The following PCNX2 variants were observed in gnomAD, a reference collection of about 807,000 sequenced individuals.
The protein encoded by PCNX2 is pecanex-like protein 2.
Under a neutral mutation model 223.8 loss-of-function variants are expected in PCNX2, and 168 were observed. That is an observed-to-expected ratio of 0.75 (90% CI 0.66 to 0.85). The LOEUF (loss-of-function observed/expected upper bound fraction) is 0.85. Among genes scored for constraint, PCNX2 ranks in the 40% least tolerant of loss-of-function variants. The probability of loss-of-function intolerance (pLI) is 0.00; values close to 1 mark genes in which losing one functional copy is unlikely to be tolerated. For missense variants in PCNX2, 2,507 were observed against 2,675.5 expected (o/e 0.94, Z 1.39); for synonymous variants, 1,006 against 1,052.6 (o/e 0.96, Z 0.86).
chr1:233,326,225 A>G, the PCNX2 span, among the ~76,000 whole-genome samples: 2 of 152,250 alleles, frequency 1.3e-5, no homozygotes, highest in Non-Finnish European at 2.9e-5. Flanking sequence ...CAAAAAATTC[A>G]TGTCACTTGC....
chr1:232,998,398 T>C lies in PCNX2; in HGVS notation c.5644A>G (p.Asn1882Asp), dbSNP rs1482025243. The change falls in exon 32 of 34, where the codon AAC becomes GAC. Residue 1882 changes from asparagine (N) to aspartate (D), a missense_variant. Physicochemically the swap from Asn to Asp is conservative, Grantham distance 23 (BLOSUM62 1). Transcript: ENST00000258229. ...DCNARQHSGGNIEDVDGGGAP... is the reference protein window; with the variant it reads ...DCNARQHSGGDIEDVDGGGAP... ...CCTCCTCCGTCCACGTCTTCAATGT[T>C]GCCGCCACTGTGCTGGCGGGCATTG... 7 of 1,612,876 alleles carry C rather than the reference T, an allele frequency of 4.3e-6. No homozygotes were observed. The highest frequency in any genetic ancestry group is 5.9e-6 in the Non-Finnish European group (7 of 1,179,656).
At position 233,254,005 on chromosome 1, in the gene PCNX2, G is replaced by C. The variant is rs117230766; in HGVS notation, c.1835-1217C>G. ...TGCCTGAGAGAACAGAATTGAGCCTGAACCTACAAGTTCTTTCAAGACACA... is the reference window on the plus strand; with the variant it reads ...TGCCTGAGAGAACAGAATTGAGCCTCAACCTACAAGTTCTTTCAAGACACA... On this transcript the variant is annotated intron_variant, in intron 5 of 33. Transcript: ENST00000258229. Among the ~76,000 whole-genome samples, 130 of 152,290 alleles carry C rather than the reference G, an allele frequency of 8.5e-4. 5 individuals are homozygous for C. The East Asian group carries it at 0.02, about 23-fold the overall frequency.
At chr1:233,270,837 T>A (rs1387357295) in intron 1 of PCNX2, among the ~76,000 whole-genome samples, 1 of 152,060 alleles carries the variant, frequency 6.6e-6, no homozygotes, top group Non-Finnish European at 1.5e-5. Context: ...CTACAGGGAA[T>A]GGTAAGATGA....
chr1:233,109,291 A>G (rs1264943551), intron 21 of PCNX2, among the ~76,000 whole-genome samples: 6 of 152,202 alleles, frequency 3.9e-5, no homozygotes, highest in African/African-American at 1.4e-4. Context: ...GGCACACAAA[A>G]GGGCAAGAAA....
rs935063222 is a variant in PCNX2, at chr1:232,990,937, C to T, written c.5792-4397G>A. Among the ~76,000 whole-genome samples the T allele has an allele frequency of 6.6e-6, 1 of 152,210 alleles. No homozygotes were observed. Among genetic ancestry groups the T allele is most frequent in the East Asian group, 1.9e-4 (1 of 5,186 alleles). ...GGAGGCTCCAGTGCATGCAGGCAGC[C>T]CCTCACCTGGCAGGATGTGGGGAGA... On this transcript the variant is annotated intron_variant, in intron 32 of 33. Transcript: ENST00000258229. The surrounding 1 kb of genome is among the most constrained non-coding windows in gnomAD (Gnocchi z 4.3).
chr1:233,113,079 G>T, intron 21 of PCNX2: 1 of 1,170,210 alleles, frequency 8.5e-7, no homozygotes. Flanking sequence ...TAAGAATGCA[G>T]CCACAGGCTG....
rs117728852 is a variant in PCNX2, at chr1:233,006,187, A to G, written c.4953-4506T>C. 7.1e-4 allele frequency among the ~76,000 whole-genome samples: 108 copies of G among 152,288 alleles called. No individual in the cohort carries two copies. In the East Asian group the frequency reaches 0.02, roughly 28 times the overall value. On this transcript the variant is annotated intron_variant, in intron 28 of 33. Coordinates refer to ENST00000258229, the MANE Select transcript of PCNX2 (RefSeq NM_014801.4). The stretch of plus-strand genomic sequence containing the variant: ...CATAAATAAAAACAGCATTAGAAAA[A>G]TGTCACGCTTTCAGATGACGATGAG...
the PCNX2 span, among the ~76,000 whole-genome samples, chr1:233,313,598 GAAGA>G: frequency 6.6e-6 from 1 of 151,836 alleles, no homozygotes; most frequent in South Asian, 2.1e-4. Context: ...GGGAGGGAAT[GAAGA>G]AAGAAAGAGG....
chr1:233,096,959 G>A (rs1171169254), intron 21 of PCNX2, among the ~76,000 whole-genome samples: 1 of 152,124 alleles, frequency 6.6e-6, no homozygotes, highest in African/African-American at 2.4e-5. Flanking sequence ...GGCAAAAGGA[G>A]GTTAATTAGA....
chr1:233,071,673 C>A (rs1355998429), intron 23 of PCNX2, among the ~76,000 whole-genome samples: 2 of 152,128 alleles, frequency 1.3e-5, no homozygotes, highest in African/African-American at 4.8e-5. Flanking sequence ...AGTAATGGAA[C>A]TGCTGTGTCC....
chr1:233,274,304 G>C (rs1660801866), intron 1 of PCNX2, among the ~76,000 whole-genome samples: 1 of 152,110 alleles, frequency 6.6e-6, no homozygotes, highest in Non-Finnish European at 1.5e-5. Context: ...GGGCTACGTA[G>C]GTGCTATGCA....
At chr1:233,173,381 G>C (rs1460936677) in intron 17 of PCNX2, among the ~76,000 whole-genome samples, 1 of 152,084 alleles carries the variant, frequency 6.6e-6, no homozygotes, top group Non-Finnish European at 1.5e-5. Context: ...GGCCAGGCTG[G>C]TTTCGAACTC....
chr1:233,232,646 A>G (rs1300687540), intron 9 of PCNX2, among the ~76,000 whole-genome samples: 1 of 152,154 alleles, frequency 6.6e-6, no homozygotes, highest in African/African-American at 2.4e-5. Context: ...CCTCTTTTTC[A>G]TCTCCATAAT....
intron 23 of PCNX2, among the ~76,000 whole-genome samples, chr1:233,060,789 G>A (rs963491341): frequency 6.6e-6 from 1 of 152,174 alleles, no homozygotes; most frequent in African/African-American, 2.4e-5. Context: ...GCACTTGCCT[G>A]ACAAAGTCAC....
chr1:233,034,816 T>C (rs1007073822), intron 25 of PCNX2, among the ~76,000 whole-genome samples: 3 of 152,138 alleles, frequency 2.0e-5, no homozygotes, highest in Non-Finnish European at 4.4e-5. Context: ...ACAGGATCCA[T>C]GAAGAGTGTG....
chr1:233,293,140 C>T (rs1572216911), intron 1 of PCNX2, among the ~76,000 whole-genome samples: 1 of 152,110 alleles, frequency 6.6e-6, no homozygotes, highest in South Asian at 2.1e-4. Context: ...CATACGTAGA[C>T]ATCAAATCTT....
chr1:233,168,782 C>T lies in PCNX2; in HGVS notation c.3274-7419G>A, dbSNP rs544852888. Among the ~76,000 whole-genome samples the T allele has an allele frequency of 2.6e-5, 4 of 152,038 alleles. No homozygotes were observed. The East Asian group carries it at 7.7e-4, about 29-fold the overall frequency. ...ATTTCACAATCCTTGATAAATTATG[C>T]TTTTCCAGATGATTATAATAATTTA... On this transcript the variant is annotated intron_variant, in intron 17 of 33. Transcript: ENST00000258229.
intron 12 of PCNX2, among the ~76,000 whole-genome samples, chr1:233,211,234 C>G (rs568390517): frequency 1.3e-5 from 2 of 152,260 alleles, no homozygotes; most frequent in African/African-American, 4.8e-5. Flanking sequence ...TCTCTCAGCT[C>G]TGCTGCATGT....
the PCNX2 span, among the ~76,000 whole-genome samples, chr1:233,314,765 C>T: frequency 6.6e-6 from 1 of 151,880 alleles, no homozygotes; most frequent in South Asian, 2.1e-4. Flanking sequence ...GATATTCTTA[C>T]GTTATTACAG....
Sources: gnomAD v4.1 joint callset for allele counts (sites outside exome capture counted in the v4.1 genomes callset) on GRCh38, gnomAD v4.1.1 for gene constraint, Gnocchi (gnomAD v3.1) non-coding constraint, MANE v1.5 for transcripts, NCBI Gene and HGNC (gene_info 2026-07-23, HGNC 2026-07-21) for gene names.